The following GPHN variants were observed in gnomAD, a reference collection of about 807,000 sequenced individuals.
GPHN encodes the protein gephyrin.
Under a neutral mutation model 95.5 loss-of-function variants are expected in GPHN, and 17 were observed. That is an observed-to-expected ratio of 0.18 (90% CI 0.12 to 0.27). The LOEUF is 0.27. GPHN is among the 10% of genes least tolerant of loss of function. The pLI, the probability that GPHN is intolerant of heterozygous loss-of-function variation, is 1.00. For missense variants in GPHN, 660 were observed against 978.1 expected, an observed-to-expected ratio of 0.67 and a Z score of 4.34; for synonymous variants, 320 against 322.5, an observed-to-expected ratio of 0.99 and a Z score of 0.08.
chr14:66,612,085 G>A (rs139861141), intron 1 of GPHN, among the ~76,000 whole-genome samples: 21 of 151,954 alleles, frequency 1.4e-4, no homozygotes, highest in African/African-American at 5.1e-4. Context: ...ACCAATATGT[G>A]TATTTATCAT....
chr14:66,605,724 G>A (rs1595196316), intron 1 of GPHN, among the ~76,000 whole-genome samples: 1 of 151,892 alleles, frequency 6.6e-6, no homozygotes, highest in East Asian at 1.9e-4. Flanking sequence ...AGTAGAGACG[G>A]GGTTTCACTG....
chr14:67,374,193 C>T, the GPHN span, among the ~76,000 whole-genome samples: 3 of 152,112 alleles, frequency 2.0e-5, no homozygotes, highest in Non-Finnish European at 2.9e-5. Flanking sequence ...TTCATTGGAG[C>T]ATTTCAGATT....
intron 2 of GPHN, among the ~76,000 whole-genome samples, chr14:66,741,323 G>T (rs1266509285): frequency 6.6e-6 from 1 of 152,104 alleles, no homozygotes; most frequent in Non-Finnish European, 1.5e-5. Flanking sequence ...AATATTTATT[G>T]AATGTCTTTT....
chr14:67,162,011 T>C (rs966910949), intron 19 of GPHN, among the ~76,000 whole-genome samples: 1 of 152,208 alleles, frequency 6.6e-6, no homozygotes, highest in Non-Finnish European at 1.5e-5. Flanking sequence ...AATGCTGTTA[T>C]AGTCTGAGCT....
At chr14:67,725,380 G>T in the GPHN span, 8 of 964,400 alleles carry the variant, frequency 8.3e-6, 1 homozygote, top group Non-Finnish European at 1.3e-5. Flanking sequence ...TCTGCCACAT[G>T]AACCAGCAGG....
chr14:66,591,641 C>G (rs986582557), intron 1 of GPHN, among the ~76,000 whole-genome samples: 2 of 152,062 alleles, frequency 1.3e-5, no homozygotes, highest in Non-Finnish European at 2.9e-5. Flanking sequence ...AACCACTGCT[C>G]AAGGAAATAA....
the GPHN span, chr14:67,320,247 A>T: frequency 6.2e-7 from 1 of 1,612,292 alleles, no homozygotes; most frequent in Non-Finnish European, 8.5e-7. Flanking sequence ...CAACGAGGAG[A>T]TCTTAACCTA....
chr14:66,784,462 A>G (rs1279426701), intron 3 of GPHN, among the ~76,000 whole-genome samples: 1 of 152,202 alleles, frequency 6.6e-6, no homozygotes, highest in East Asian at 1.9e-4. Context: ...AAATTTCAGA[A>G]AGGAGAAAAC....
chr14:66,604,367 A>C (rs1420477923), intron 1 of GPHN, among the ~76,000 whole-genome samples: 2 of 152,140 alleles, frequency 1.3e-5, no homozygotes, highest in Non-Finnish European at 2.9e-5. Flanking sequence ...AATATACTAT[A>C]TAGAATATGT....
At chr14:66,660,077 GGTT>G (rs1268378262) in intron 1 of GPHN, among the ~76,000 whole-genome samples, 1 of 151,460 alleles carries the variant, frequency 6.6e-6, no homozygotes, top group Non-Finnish European at 1.5e-5. Flanking sequence ...CTTTTCTAGT[GGTT>G]GTTTATTGGT....
intron 2 of GPHN, among the ~76,000 whole-genome samples, chr14:66,743,560 C>T (rs1374164567): frequency 1.3e-5 from 2 of 151,938 alleles, no homozygotes; most frequent in Non-Finnish European, 2.9e-5. Context: ...CACGGTGAAG[C>T]CCCTTCTCTA....
chr14:67,725,695 T>G, the GPHN span, among the ~76,000 whole-genome samples: 2 of 152,218 alleles, frequency 1.3e-5, no homozygotes, highest in Non-Finnish European at 2.9e-5. Flanking sequence ...GTGTTACCAC[T>G]GGATTCCTAG....
chr14:67,439,538 T>TTTCTTTCTTTC, the GPHN span, among the ~76,000 whole-genome samples: 6 of 42,544 alleles, frequency 1.4e-4, no homozygotes, highest in Admixed American at 2.8e-4. Context: ...CAATAGTTTC[T>TTTCTTTCTTTC]TTCTTTCTTT....
intron 4 of GPHN, among the ~76,000 whole-genome samples, chr14:66,848,740 T>A (rs2062445532): frequency 6.6e-6 from 1 of 151,920 alleles, no homozygotes; most frequent in Admixed American, 6.6e-5. Flanking sequence ...AAATAACTCC[T>A]TTTTTACTGA....
the GPHN span, among the ~76,000 whole-genome samples, chr14:67,624,389 T>C: frequency 2.6e-5 from 4 of 152,180 alleles, no homozygotes; most frequent in Non-Finnish European, 5.9e-5. Flanking sequence ...AAGACATACC[T>C]GAGACTGGGT....
In GPHN at chr14:67,058,678, G is replaced by A. The variant is rs755326051; in HGVS notation, c.1036G>A (p.Ala346Thr). Residue 346 changes from alanine (A) to threonine (T), a missense_variant, in exon 11 of 23, where the codon GCT (alanine) becomes ACT (threonine). Around this residue, in one of 6 missense-constraint regions of GPHN, gnomAD observed 190 missense variants for 224.7 expected, o/e 0.85. Transcript: ENST00000478722. ...SHSAVDITKVARRHRMSPFPL... is the reference protein window; with the variant it reads ...SHSAVDITKVTRRHRMSPFPL... ...CAGTGCTGTCGATATCACCAAGGTG[G>A]CTAGAAGACATCGCATGTCTCCTTT... The A allele has an allele frequency of 8.1e-6, 13 of 1,613,060 alleles. No homozygotes were observed. The East Asian group carries it at 2.7e-4, about 33-fold the overall frequency.
the GPHN span, among the ~76,000 whole-genome samples, chr14:67,640,637 T>A: frequency 6.6e-6 from 1 of 152,214 alleles, no homozygotes; most frequent in South Asian, 2.1e-4. Context: ...CCACGTCTTA[T>A]CTTGTTACTG....
the GPHN span, among the ~76,000 whole-genome samples, chr14:67,634,955 G>T: frequency 1.3e-5 from 2 of 152,306 alleles, no homozygotes; most frequent in Admixed American, 1.3e-4. Flanking sequence ...AAGACACATG[G>T]TTCTTTGGCT....
At chr14:66,513,955 A>G (rs1458746957) in intron 1 of GPHN, among the ~76,000 whole-genome samples, 2 of 151,890 alleles carry the variant, frequency 1.3e-5, no homozygotes, top group East Asian at 1.9e-4. Flanking sequence ...AATTAAATTT[A>G]CCATGCTTTA....
Sources: gnomAD v4.1 joint callset for allele counts (sites outside exome capture counted in the v4.1 genomes callset) on GRCh38, gnomAD v4.1.1 for gene constraint, gnomAD v4.1.1 regional missense constraint, MANE v1.5 for transcripts, NCBI Gene and HGNC (gene_info 2026-07-23, HGNC 2026-07-21) for gene names.